CASZ1: variants seen among roughly 807,000 people sequenced by gnomAD.
The protein encoded by CASZ1 is castor zinc finger 1, also known as zinc finger protein castor homolog 1.
In CASZ1, 28 loss-of-function variants were observed where a neutral mutation model predicts 135.2. The ratio of observed to expected loss-of-function variants is 0.21; its 90% CI spans 0.15 to 0.28. The LOEUF (loss-of-function observed/expected upper bound fraction) is 0.28. Among genes scored for constraint, CASZ1 ranks in the 10% least tolerant of loss-of-function variants. The pLI, the probability that CASZ1 is intolerant of heterozygous loss-of-function variation, is 1.00. For synonymous variants in CASZ1, 1,068 were observed against 1,073.4 expected (o/e 0.99, Z 0.10); for missense variants, 2,161 against 2,453.3 (o/e 0.88, Z 2.52).
At position 10,646,529 on chromosome 1, in the gene CASZ1, C is replaced by G. The variant is rs1386772773; in HGVS notation, c.3498-203G>C. ...ATGCATTCCTGCCTCCTTTTAGGAG[C>G]TCTGCATGGTGCACAGGGATTGCAA... On this transcript the variant is annotated intron_variant, in intron 16 of 20. Coordinates refer to ENST00000377022, the MANE Select transcript of CASZ1 (RefSeq NM_001079843.3). This position sits in a 1 kb window ranked among gnomAD's most constrained non-coding sequence, Gnocchi z 6.4. 6.6e-6 allele frequency among the ~76,000 whole-genome samples: 1 copy of G among 152,248 alleles called. No individual in the cohort carries two copies. Among genetic ancestry groups the G allele is most frequent in the African/African-American group, 2.4e-5 (1 of 41,468 alleles).
intron 3 of CASZ1, among the ~76,000 whole-genome samples, chr1:10,696,863 T>C (rs1638944812): frequency 6.6e-6 from 1 of 152,198 alleles, no homozygotes; most frequent in African/African-American, 2.4e-5. Flanking sequence ...GGAAAGCATC[T>C]TCCCTCCAGC....
intron 2 of CASZ1, among the ~76,000 whole-genome samples, chr1:10,733,442 T>C (rs1639739988): frequency 6.6e-6 from 1 of 152,146 alleles, no homozygotes; most frequent in East Asian, 1.9e-4. Flanking sequence ...CCTGCACGCC[T>C]GTCCATCCCA....
Position 10,637,239 on chromosome 1 carries a change from G to C in CASZ1, c.*1703C>G, listed in dbSNP as rs1642022614. The C allele has an allele frequency of 6.6e-6, 1 of 152,230 alleles. No homozygotes were observed. Among genetic ancestry groups the C allele is most frequent in the Admixed American group, 6.5e-5 (1 of 15,276 alleles). 9.4% of individuals were successfully genotyped at this position (152,230 alleles called of 1,614,324 possible). A position where few individuals can be genotyped will look rare whatever the true frequency, so the allele number is the denominator to read the frequency against. On this transcript the variant is annotated 3_prime_UTR_variant, in exon 21 of 21. Transcript: ENST00000377022. ...GGGGCCTGTGGCGGGTCACTGTCTG[G>C]GCAGATGCTCACAGCAGCACGTGGT...
chr1:10,691,953 G>C (rs543389232), intron 4 of CASZ1, among the ~76,000 whole-genome samples: 1 of 152,326 alleles, frequency 6.6e-6, no homozygotes, highest in Admixed American at 6.5e-5. Flanking sequence ...GTCCCACTGG[G>C]AGTGCTCTAC....
Position 10,776,519 on chromosome 1 carries a change from G to C in CASZ1, c.-233-15662C>G, listed in dbSNP as rs1274723485. Among the ~76,000 whole-genome samples, 5 of 152,236 alleles carry C rather than the reference G, an allele frequency of 3.3e-5. No homozygotes were observed. Among genetic ancestry groups the C allele is most frequent in the African/African-American group, 1.2e-4 (5 of 41,464 alleles). On this transcript the variant is annotated intron_variant, in intron 1 of 20. Coordinates refer to ENST00000377022, the MANE Select transcript of CASZ1 (RefSeq NM_001079843.3). This position sits in a 1 kb window ranked among gnomAD's most constrained non-coding sequence, Gnocchi z 4.1. ...GTACTCGGCAAGTTCACACCAGAGG[G>C]CTCTGACACGAGACACATCCAGACA...
intron 2 of CASZ1, among the ~76,000 whole-genome samples, chr1:10,751,016 C>G (rs1222244148): frequency 6.6e-6 from 1 of 151,632 alleles, no homozygotes; most frequent in African/African-American, 2.4e-5. Context: ...CGCCAAGACA[C>G]CAGTGAGCAC....
At chr1:10,686,411 G>A (rs899194551) in intron 4 of CASZ1, among the ~76,000 whole-genome samples, 5 of 152,202 alleles carry the variant, frequency 3.3e-5, no homozygotes, top group African/African-American at 1.2e-4. Flanking sequence ...CAGCCCTGGG[G>A]GGGCTTGTAT....
chr1:10,685,190 C>T (rs1638546483), intron 4 of CASZ1, among the ~76,000 whole-genome samples: 1 of 152,264 alleles, frequency 6.6e-6, no homozygotes, highest in Non-Finnish European at 1.5e-5. Context: ...GACTTCACCA[C>T]TGCGGCCGGG....
rs983007235 is a variant in CASZ1, at chr1:10,726,185, C to T, written c.-76-20641G>A. Among the ~76,000 whole-genome samples, 1 of 152,094 alleles carries T rather than the reference C, an allele frequency of 6.6e-6. No individual in the cohort carries two copies. Among genetic ancestry groups the T allele is most frequent in the Non-Finnish European group, 1.5e-5 (1 of 68,026 alleles). On this transcript the variant is annotated intron_variant, in intron 2 of 20. Coordinates refer to ENST00000377022, the MANE Select transcript of CASZ1 (RefSeq NM_001079843.3). This position sits in a 1 kb window ranked among gnomAD's most constrained non-coding sequence, Gnocchi z 5.7. ...TTGTTAGTGTTTATGGAGGGCTGACCGCGTCCCAGGCAGAGTGAAGTCGGT... is the reference window on the plus strand; with the variant it reads ...TTGTTAGTGTTTATGGAGGGCTGACTGCGTCCCAGGCAGAGTGAAGTCGGT...
chr1:10,748,219 G>C lies in CASZ1; in HGVS notation c.-77+12482C>G, dbSNP rs564096916. Among the ~76,000 whole-genome samples the C allele has an allele frequency of 5.3e-5, 8 of 152,314 alleles. No individual in the cohort carries two copies. In the East Asian group the frequency reaches 1.4e-3, roughly 26 times the overall value. On this transcript the variant is annotated intron_variant, in intron 2 of 20. Coordinates refer to ENST00000377022, the MANE Select transcript of CASZ1 (RefSeq NM_001079843.3). ...CCGGCCTGTCCTTACTGCTGCAGCA[G>C]CTACTCCTGGGCAGGGGTGGCAGGC...
At chr1:10,651,932 G>A (rs1321219510) in intron 11 of CASZ1, 4 of 152,216 alleles carry the variant, frequency 2.6e-5, no homozygotes, top group Admixed American at 1.3e-4. Context: ...CCGAGCCCAC[G>A]TGGCCCTGGA....
At position 10,639,696 on chromosome 1, in the gene CASZ1, G is replaced by C. The variant is rs1423124648; in HGVS notation, c.4526C>G (p.Ser1509Trp). 6.3e-7 allele frequency: 1 copy of C among 1,596,874 alleles called. No homozygotes were observed. Among genetic ancestry groups the C allele is most frequent in the South Asian group, 1.1e-5 (1 of 88,906 alleles). The part of the protein sequence containing the change: ...LSCHFADCPF[S>W]GTSTHFHCLR... ...GCAGTGGAAGTGCGTGCTGGTGCCC[G>C]AGAAGGGGCAGTCGGCGAAGTGGCA... Residue 1509 changes from serine to tryptophan, a missense_variant, in exon 21 of 21, where the codon TCG (serine) becomes TGG (tryptophan). This residue lies in a region of CASZ1 where 240 missense variants were observed against 321.4 expected (regional missense o/e 0.75). Transcript: ENST00000377022. The surrounding 1 kb of genome is among the most constrained non-coding windows in gnomAD (Gnocchi z 4.0).
In CASZ1 at chr1:10,660,325, A is replaced by G; in HGVS notation, c.717T>C (p.Tyr239=). The G allele has an allele frequency of 6.2e-7, 1 of 1,614,124 alleles. No individual in the cohort carries two copies. Among genetic ancestry groups the G allele is most frequent in the Non-Finnish European group, 8.5e-7 (1 of 1,180,016 alleles). ...CCTTGAGCTTGCGGATGTACTCCTCATACTTAGAGAACCGCGCCCGCTTGC... is the reference window on the plus strand; with the variant it reads ...CCTTGAGCTTGCGGATGTACTCCTCGTACTTAGAGAACCGCGCCCGCTTGC... ...TLSKRARFSK[Y]EEYIRKLKAG... is the part of the protein sequence containing the mutation. Residue 239 remains tyrosine (Y), a synonymous_variant, in exon 6 of 21, where the codon TAT becomes TAC. Coordinates refer to ENST00000377022, the MANE Select transcript of CASZ1 (RefSeq NM_001079843.3).
intron 13 of CASZ1, 83 bp from the exon 14 acceptor site, chr1:10,649,520 T>G: frequency 6.9e-7 from 1 of 1,459,626 alleles, no homozygotes; most frequent in Non-Finnish European, 9.2e-7. Context: ...GCCGAAGCTC[T>G]GGGCTGCTGG....
Position 10,646,450 on chromosome 1 carries a change from TG to T in CASZ1, c.3498-125del. 1.2e-6 allele frequency: 1 copy of T among 860,360 alleles called. No individual in the cohort carries two copies. The allele number at this position is 860,360 out of a possible 1,614,324, so 53.3% of individuals were successfully genotyped here. A position where few individuals can be genotyped will look rare whatever the true frequency, so the allele number is the denominator to read the frequency against. On this transcript the variant is annotated intron_variant, in intron 16 of 20. Coordinates refer to ENST00000377022, the MANE Select transcript of CASZ1 (RefSeq NM_001079843.3). This position sits in a 1 kb window ranked among gnomAD's most constrained non-coding sequence, Gnocchi z 6.4. ...AGCGGTACCACCAAGAGGGATGGCC[TG>T]GGCTGCTGTCCTGCTCAACAGGATG...
At chr1:10,792,342 G>GCCC (rs1640976200) in intron 1 of CASZ1, among the ~76,000 whole-genome samples, 2 of 2,018 alleles carry the variant, frequency 9.9e-4, no homozygotes, top group Admixed American at 3.1e-3. Flanking sequence ...CCCCCCCCCG[G>GCCC]CCCCGCACAC....
intron 4 of CASZ1, among the ~76,000 whole-genome samples, chr1:10,675,008 C>T (rs1189118556): frequency 6.7e-6 from 1 of 150,164 alleles, no homozygotes; most frequent in Non-Finnish European, 1.5e-5. Context: ...TTTTTCTGTG[C>T]TCAGATACCC....
chr1:10,649,409 C>A lies in CASZ1; in HGVS notation c.2909G>T (p.Ser970Ile), dbSNP rs143439959. The A allele has an allele frequency of 1.2e-4, 195 of 1,611,056 alleles. No individual in the cohort carries two copies. Among genetic ancestry groups the A allele is most frequent in the South Asian group, 2.2e-4 (20 of 90,606 alleles). The change falls in exon 14 of 21, where the codon AGC becomes ATC. Residue 970 changes from serine (S) to isoleucine (I), a missense_variant. By Grantham distance (142) the Ser-to-Ile change is moderately radical. Coordinates refer to ENST00000377022, the MANE Select transcript of CASZ1 (RefSeq NM_001079843.3). ...KMSQGNPGLG[S>I]LLNIKAEAEG... ...CGCTTCCGCCTTGATGTTCAGCAGG[C>A]TGCCCAGGCCAGGGTTGCCCTGAGA...
chr1:10,657,587 G>A lies in CASZ1; in HGVS notation c.1410-851C>T, dbSNP rs909621343. ...TAATGGTAATAATAATACCACAGAGGAGACAGCACGGGGCAGAGCTGAAGA... is the reference window on the plus strand; with the variant it reads ...TAATGGTAATAATAATACCACAGAGAAGACAGCACGGGGCAGAGCTGAAGA... On this transcript the variant is annotated intron_variant, in intron 7 of 20. Coordinates refer to ENST00000377022, the MANE Select transcript of CASZ1 (RefSeq NM_001079843.3). The surrounding 1 kb of genome is among the most constrained non-coding windows in gnomAD (Gnocchi z 5.7). 4.6e-5 allele frequency among the ~76,000 whole-genome samples: 7 copies of A among 152,146 alleles called. No individual in the cohort carries two copies. The highest frequency in any genetic ancestry group is 1.0e-4 in the Non-Finnish European group (7 of 68,028).
Sources: allele counts gnomAD v4.1 joint callset (sites outside exome capture counted in the v4.1 genomes callset), GRCh38; gene constraint gnomAD v4.1.1; regional missense constraint gnomAD v4.1.1; non-coding constraint Gnocchi (gnomAD v3.1); transcripts MANE v1.5; gene names NCBI Gene and HGNC (gene_info 2026-07-23, HGNC 2026-07-21).